The following CRACD variants were observed in gnomAD, a reference collection of about 807,000 sequenced individuals.
CRACD encodes capping protein-inhibiting regulator of actin dynamics.
A neutral mutation model predicts 106.8 loss-of-function variants in CRACD; 56 were observed. That is an observed-to-expected ratio of 0.52 (90% CI 0.42 to 0.66). The LOEUF (loss-of-function observed/expected upper bound fraction) is 0.66, where lower values mean the gene tolerates loss of function less well. Ranked by LOEUF, CRACD falls within the 30% of genes least tolerant of loss-of-function variation. CRACD has a pLI of 0.00. For synonymous variants in CRACD, 754 were observed against 670.8 expected, an observed-to-expected ratio of 1.12 and a Z score of -1.92; for missense variants, 1,730 against 1,623.2, an observed-to-expected ratio of 1.07 and a Z score of -1.13.
chr4:56,158,330 G>A (rs1217159979), intron 1 of CRACD, among the ~76,000 whole-genome samples: 5 of 152,106 alleles, frequency 3.3e-5, no homozygotes, highest in South Asian at 2.1e-4. Context: ...CTGAAATAGC[G>A]CTTTTGCCTG....
intron 1 of CRACD, among the ~76,000 whole-genome samples, chr4:56,087,162 G>A (rs1237995674): frequency 2.0e-5 from 3 of 152,000 alleles, no homozygotes; most frequent in East Asian, 1.9e-4. Flanking sequence ...ACAGGCATCC[G>A]TCACTATGCC....
intron 1 of CRACD, among the ~76,000 whole-genome samples, chr4:56,078,954 T>A (rs986705713): frequency 1.3e-5 from 2 of 152,166 alleles, no homozygotes; most frequent in African/African-American, 2.4e-5. Flanking sequence ...AGAGACTGGA[T>A]TATTTATCAG....
At chr4:56,327,431 C>T (rs1746520039) in intron 10 of CRACD, among the ~76,000 whole-genome samples, 1 of 152,128 alleles carries the variant, frequency 6.6e-6, no homozygotes, top group Non-Finnish European at 1.5e-5. Context: ...ATTTTAAATG[C>T]TCTCACCATA....
At chr4:56,298,541 A>T (rs905302734) in intron 4 of CRACD, among the ~76,000 whole-genome samples, 192 bp downstream of exon 4, 2 of 152,168 alleles carry the variant, frequency 1.3e-5, no homozygotes, top group Non-Finnish European at 2.9e-5. Flanking sequence ...GAGCTACACT[A>T]TCACCACTGC....
At chr4:56,148,608 G>A (rs1735477118) in intron 1 of CRACD, among the ~76,000 whole-genome samples, 1 of 152,072 alleles carries the variant, frequency 6.6e-6, no homozygotes, top group African/African-American at 2.4e-5. Flanking sequence ...TGTGCTTTTG[G>A]TATGTATTTC....
intron 2 of CRACD, among the ~76,000 whole-genome samples, chr4:56,207,031 G>A (rs1489636471): frequency 6.6e-6 from 1 of 152,170 alleles, no homozygotes; most frequent in Admixed American, 6.5e-5. Flanking sequence ...TTTGGAGTAT[G>A]CTTCTTAGCC....
chr4:56,258,031 C>T (rs947342556), intron 2 of CRACD, among the ~76,000 whole-genome samples: 7 of 150,516 alleles, frequency 4.7e-5, no homozygotes, highest in Non-Finnish European at 1.0e-4. Flanking sequence ...GATCGCACCA[C>T]TGCACTCCAG....
chr4:56,143,171 A>C (rs1291457627), intron 1 of CRACD, among the ~76,000 whole-genome samples: 1 of 151,542 alleles, frequency 6.6e-6, no homozygotes, highest in Non-Finnish European at 1.5e-5. Flanking sequence ...TGTTAGCTTT[A>C]TTCTTGGGAA....
intron 2 of CRACD, among the ~76,000 whole-genome samples, chr4:56,220,588 G>A (rs145296935): frequency 4.6e-5 from 7 of 152,088 alleles, no homozygotes; most frequent in South Asian, 2.1e-4. Flanking sequence ...TCATTTTAGC[G>A]GACTGGTAAA....
intron 2 of CRACD, among the ~76,000 whole-genome samples, chr4:56,208,259 G>A (rs768988481): frequency 2.0e-5 from 3 of 152,076 alleles, no homozygotes; most frequent in Admixed American, 2.0e-4. Flanking sequence ...GCCCTTCTGA[G>A]CTGTGAGATT....
intron 2 of CRACD, among the ~76,000 whole-genome samples, chr4:56,220,749 G>A (rs900170963): frequency 2.6e-5 from 4 of 152,004 alleles, no homozygotes; most frequent in Non-Finnish European, 4.4e-5. Context: ...GGTACACTGT[G>A]ACATGCAGTG....
intron 1 of CRACD, among the ~76,000 whole-genome samples, chr4:56,088,521 ATACT>A (rs1401403011): frequency 1.3e-5 from 2 of 151,866 alleles, no homozygotes; most frequent in Non-Finnish European, 2.9e-5. Flanking sequence ...AGTTTAAGAA[ATACT>A]TACTTATACC....
intron 2 of CRACD, among the ~76,000 whole-genome samples, chr4:56,188,168 T>A (rs1378078005): frequency 6.6e-6 from 1 of 152,184 alleles, no homozygotes; most frequent in Non-Finnish European, 1.5e-5. Flanking sequence ...AAAACAGAAC[T>A]TAAATTTTAT....
chr4:56,242,555 G>A (rs934511222), intron 2 of CRACD, among the ~76,000 whole-genome samples: 8 of 152,140 alleles, frequency 5.3e-5, no homozygotes, highest in Non-Finnish European at 8.8e-5. Flanking sequence ...CGAGAAAGTG[G>A]TAAGGTCAAA....
At chr4:56,313,114 C>T (rs1745260229) in intron 6 of CRACD, 83 bp from the exon 7 acceptor site, 1 of 1,278,368 alleles carries the variant, frequency 7.8e-7, no homozygotes, top group African/African-American at 1.5e-5. Flanking sequence ...GAGGCGCACA[C>T]TGGAACGAGT....
intron 1 of CRACD, among the ~76,000 whole-genome samples, chr4:56,089,378 G>A (rs891469818): frequency 2.0e-5 from 3 of 152,172 alleles, no homozygotes; most frequent in African/African-American, 7.2e-5. Flanking sequence ...GTTTTTCTGA[G>A]CCCTATCACT....
chr4:56,057,956 C>T (rs186837031), intron 1 of CRACD, among the ~76,000 whole-genome samples: 1 of 79,818 alleles, frequency 1.3e-5, no homozygotes, highest in African/African-American at 8.5e-5. Flanking sequence ...GTAGCTGGGA[C>T]TACAGGCGCC....
intron 1 of CRACD, among the ~76,000 whole-genome samples, chr4:56,121,737 G>C (rs1560457303): frequency 6.6e-6 from 1 of 152,206 alleles, no homozygotes; most frequent in Non-Finnish European, 1.5e-5. Context: ...ATGAATCAAT[G>C]TAGCTGAATC....
At chr4:56,221,301 A>C (rs572116018) in intron 2 of CRACD, among the ~76,000 whole-genome samples, 5 of 152,320 alleles carry the variant, frequency 3.3e-5, no homozygotes, top group African/African-American at 1.2e-4. Context: ...CCACAACAGT[A>C]TGTTTGGTGT....
Sources: gnomAD v4.1 joint callset for allele counts (sites outside exome capture counted in the v4.1 genomes callset) on GRCh38, gnomAD v4.1.1 for gene constraint, MANE v1.5 for transcripts, NCBI Gene and HGNC (gene_info 2026-07-23, HGNC 2026-07-21) for gene names.